CAP2: variants seen among roughly 807,000 people sequenced by gnomAD.
CAP2 encodes cyclase associated actin cytoskeleton regulatory protein 2.
In CAP2, 24 loss-of-function variants were observed where a neutral mutation model predicts 57.7. That is an observed-to-expected ratio of 0.42 (90% CI 0.30 to 0.58). The LOEUF (loss-of-function observed/expected upper bound fraction) is 0.58, where lower values mean the gene tolerates loss of function less well. Among genes scored for constraint, CAP2 ranks in the 20% least tolerant of loss-of-function variants. The probability of loss-of-function intolerance (pLI) is 0.22; values close to 1 mark genes in which losing one functional copy is unlikely to be tolerated. For missense variants in CAP2, 501 were observed against 590.3 expected, an observed-to-expected ratio of 0.85 and a Z score of 1.57; for synonymous variants, 194 against 207.2, an observed-to-expected ratio of 0.94 and a Z score of 0.55.
At chr6:17,403,697 C>A (rs889744100) in intron 1 of CAP2, among the ~76,000 whole-genome samples, 27 of 151,902 alleles carry the variant, frequency 1.8e-4, no homozygotes, top group African/African-American at 6.3e-4. Flanking sequence ...TAGGCTAAAG[C>A]ATAAAATATG....
At chr6:17,427,308 C>G (rs58280250) in intron 3 of CAP2, among the ~76,000 whole-genome samples, 1 of 151,968 alleles carries the variant, frequency 6.6e-6, no homozygotes, top group South Asian at 2.1e-4. Context: ...GTGAGGGACT[C>G]GGCTCTCCTT....
At chr6:17,411,841 T>A (rs9477421) in intron 1 of CAP2, among the ~76,000 whole-genome samples, 15,545 of 152,064 alleles carry the variant, frequency 0.1, 2,656 homozygotes, top group African/African-American at 0.35. Flanking sequence ...CTTTGAACTC[T>A]ACCTCCTCCA....
intron 1 of CAP2, among the ~76,000 whole-genome samples, chr6:17,404,063 A>G (rs1758882697): frequency 6.6e-6 from 1 of 152,242 alleles, no homozygotes. Flanking sequence ...ACCAAGGGTC[A>G]GTAATTGTGG....
chr6:17,534,102 C>T (rs1170229267), intron 7 of CAP2, among the ~76,000 whole-genome samples: 3 of 152,170 alleles, frequency 2.0e-5, no homozygotes, highest in Non-Finnish European at 4.4e-5. Flanking sequence ...ACTTTCCTGT[C>T]CATGTGGCTT....
rs1759651209 is a variant in CAP2 at position 17,428,682 on chromosome 6, AG to A, written c.222+1993del. Among the ~76,000 whole-genome samples, 133 of 151,500 alleles carry A rather than the reference AG, an allele frequency of 8.8e-4. 6 individuals are homozygous for A. The highest frequency in any genetic ancestry group is 2.4e-5 in the African/African-American group (1 of 41,252). On this transcript the variant is annotated intron_variant, in intron 3 of 12. Coordinates refer to ENST00000229922, the MANE Select transcript of CAP2 (RefSeq NM_006366.3). ...GAGATATACCTAATGCTAGATGACGAGTTAGTGGGTGCAGCGCACCAGCATG... is the reference window on the plus strand; with the variant it reads ...GAGATATACCTAATGCTAGATGACGATTAGTGGGTGCAGCGCACCAGCATG...
chr6:17,488,217 C>T (rs374342485), intron 4 of CAP2, among the ~76,000 whole-genome samples: 1 of 152,204 alleles, frequency 6.6e-6, no homozygotes, highest in Non-Finnish European at 1.5e-5. Flanking sequence ...CTGATTCTTA[C>T]TCCATGCCAT....
intron 3 of CAP2, among the ~76,000 whole-genome samples, chr6:17,454,829 A>G (rs1760512279): frequency 6.6e-6 from 1 of 152,216 alleles, no homozygotes. Flanking sequence ...CTGGGCAATA[A>G]AAGAGAACTT....
At chr6:17,489,894 G>A (rs1415033355) in intron 4 of CAP2, among the ~76,000 whole-genome samples, 1 of 151,724 alleles carries the variant, frequency 6.6e-6, no homozygotes, top group Non-Finnish European at 1.5e-5. Context: ...GGGTGCTAAC[G>A]TCCTCCAAAA....
intron 7 of CAP2, among the ~76,000 whole-genome samples, chr6:17,520,532 G>T (rs1389782608): frequency 6.6e-6 from 1 of 152,140 alleles, no homozygotes; most frequent in Admixed American, 6.5e-5. Context: ...TACAATTATA[G>T]ACAAGGTGGC....
intron 7 of CAP2, among the ~76,000 whole-genome samples, chr6:17,522,637 G>A (rs1239443527): frequency 1.3e-5 from 2 of 152,168 alleles, no homozygotes; most frequent in Non-Finnish European, 2.9e-5. Flanking sequence ...CATGAACAAT[G>A]TACTTTGAGA....
chr6:17,449,547 C>T (rs1760350734), intron 3 of CAP2, among the ~76,000 whole-genome samples: 1 of 145,404 alleles, frequency 6.9e-6, no homozygotes, highest in South Asian at 2.1e-4. Context: ...GCTGGGATTA[C>T]AGGTGCCCAC....
At chr6:17,426,111 C>CA (rs1442069955) in intron 2 of CAP2, among the ~76,000 whole-genome samples, 5 of 151,526 alleles carry the variant, frequency 3.3e-5, no homozygotes, top group African/African-American at 1.2e-4. Flanking sequence ...AACAAACAAA[C>CA]AAACAAAAAA....
intron 4 of CAP2, among the ~76,000 whole-genome samples, chr6:17,489,043 A>G (rs897630607): frequency 2.0e-5 from 3 of 152,198 alleles, no homozygotes; most frequent in Non-Finnish European, 4.4e-5. Flanking sequence ...ACTCCGGCAA[A>G]CACAGGAAAA....
At chr6:17,395,587 T>C (rs1758645034) in intron 1 of CAP2, among the ~76,000 whole-genome samples, 1 of 152,204 alleles carries the variant, frequency 6.6e-6, no homozygotes, top group Admixed American at 6.5e-5. Flanking sequence ...GGCCACATTC[T>C]CTTGAGTGCC....
chr6:17,463,311 G>T (rs1581540190), intron 4 of CAP2, among the ~76,000 whole-genome samples: 1 of 147,048 alleles, frequency 6.8e-6, no homozygotes, highest in Non-Finnish European at 1.5e-5. Flanking sequence ...AAAAAAGAAA[G>T]AAAAAAAGCA....
intron 1 of CAP2, among the ~76,000 whole-genome samples, chr6:17,397,480 G>A (rs1046178307): frequency 5.3e-5 from 8 of 151,818 alleles, no homozygotes. Flanking sequence ...GCATCACGAG[G>A]TCAGGAGATC....
At chr6:17,415,490 A>G (rs1409354720) in intron 1 of CAP2, among the ~76,000 whole-genome samples, 2 of 152,348 alleles carry the variant, frequency 1.3e-5, no homozygotes, top group South Asian at 2.1e-4. Context: ...AATTTCTCCT[A>G]TGAAAATCTG....
At chr6:17,405,044 C>T (rs1758922383) in intron 1 of CAP2, among the ~76,000 whole-genome samples, 1 of 152,062 alleles carries the variant, frequency 6.6e-6, no homozygotes, top group African/African-American at 2.4e-5. Context: ...GTACCAAATC[C>T]TACATATACC....
chr6:17,444,692 A>G (rs961742509), intron 3 of CAP2, among the ~76,000 whole-genome samples: 1 of 150,832 alleles, frequency 6.6e-6, no homozygotes, highest in Non-Finnish European at 1.5e-5. Flanking sequence ...TCATGAAATT[A>G]GCAAGTGAAA....
Sources: gnomAD v4.1 joint callset for allele counts (sites outside exome capture counted in the v4.1 genomes callset) on GRCh38, gnomAD v4.1.1 for gene constraint, MANE v1.5 for transcripts, NCBI Gene and HGNC (gene_info 2026-07-23, HGNC 2026-07-21) for gene names.